NGEF: variants seen among roughly 807,000 people sequenced by gnomAD.
NGEF encodes the protein ephexin-1.
In NGEF, 31 loss-of-function variants were observed where a neutral mutation model predicts 80.9. That is an observed-to-expected ratio of 0.38 (90% confidence interval 0.29 to 0.52). The LOEUF is 0.52. Ranked by LOEUF, NGEF falls within the 20% of genes least tolerant of loss-of-function variation. The probability of loss-of-function intolerance (pLI) is 0.84; values close to 1 mark genes in which losing one functional copy is unlikely to be tolerated. For missense variants in NGEF, 709 were observed against 926.2 expected (o/e 0.77, Z 3.04); for synonymous variants, 371 against 370.2 (o/e 1.00, Z -0.03).
Position 232,976,207 on chromosome 2 carries a change from AC to A in NGEF, c.-74-1244del, listed in dbSNP as rs577155579. Among the ~76,000 whole-genome samples, 191 of 152,224 alleles carry A rather than the reference AC, an allele frequency of 1.3e-3. 1 individual carries two copies. The highest frequency in any genetic ancestry group is 4.4e-3 in the African/African-American group (183 of 41,536). On this transcript the variant is annotated intron_variant, in intron 1 of 14. Coordinates refer to ENST00000264051, the MANE Select transcript of NGEF (RefSeq NM_019850.3). ...CAGAGCCAGACTCCATCTCAAAAAA[AC>A]CCTTCCAGTCCTCTTCTGTTGCTCC...
At chr2:233,010,862 G>A (rs574755245) in intron 1 of NGEF, among the ~76,000 whole-genome samples, 1 of 152,226 alleles carries the variant, frequency 6.6e-6, no homozygotes, top group African/African-American at 2.4e-5. Flanking sequence ...CCACCCCCTG[G>A]TCTGACCTCT....
At chr2:232,890,945 G>T (rs1268657446) in intron 8 of NGEF, 2 of 472,180 alleles carry the variant, frequency 4.2e-6, no homozygotes, top group African/African-American at 2.0e-5. Flanking sequence ...TTGCAGTCTT[G>T]GGGCCTTTGC....
chr2:233,007,646 G>T (rs535985059), intron 1 of NGEF, among the ~76,000 whole-genome samples: 9 of 152,216 alleles, frequency 5.9e-5, no homozygotes, highest in Non-Finnish European at 1.3e-4. Flanking sequence ...ACACAAATTA[G>T]CTATAATAAT....
At chr2:232,888,906 C>T (rs1386877756) in intron 8 of NGEF, among the ~76,000 whole-genome samples, 1 of 152,252 alleles carries the variant, frequency 6.6e-6, no homozygotes, top group Non-Finnish European at 1.5e-5. Context: ...GCTCTATAAA[C>T]TCCACATGGT....
chr2:232,939,218 A>AATGAAC (rs1447239508), intron 3 of NGEF, among the ~76,000 whole-genome samples: 1 of 151,576 alleles, frequency 6.6e-6, no homozygotes, highest in Non-Finnish European at 1.5e-5. Flanking sequence ...CCTGTAAAGG[A>AATGAAC]ATGAACAGTC....
At chr2:233,001,802 G>A (rs1694984692) in intron 1 of NGEF, among the ~76,000 whole-genome samples, 1 of 151,928 alleles carries the variant, frequency 6.6e-6, no homozygotes, top group Admixed American at 6.6e-5. Context: ...ATCACCTGAG[G>A]TCAGGAGTTT....
chr2:232,928,796 A>G (rs1693154436), intron 3 of NGEF, among the ~76,000 whole-genome samples: 2 of 152,164 alleles, frequency 1.3e-5, no homozygotes, highest in South Asian at 4.1e-4. Context: ...AGGAGAAACC[A>G]AGTGCCCGAA....
intron 10 of NGEF, chr2:232,884,809 G>A: frequency 6.2e-6 from 1 of 160,372 alleles, no homozygotes; most frequent in Admixed American, 6.0e-5. Flanking sequence ...CCGTCTGTGG[G>A]CACAGCGTGC....
intron 5 of NGEF, among the ~76,000 whole-genome samples, chr2:232,902,537 C>T (rs528922416): frequency 1.3e-5 from 2 of 152,216 alleles, no homozygotes; most frequent in South Asian, 2.1e-4. Flanking sequence ...ACCCAAGCCT[C>T]GGCACTCACA....
chr2:232,927,863 G>A, intron 3 of NGEF: 5 of 1,247,738 alleles, frequency 4.0e-6, no homozygotes, highest in South Asian at 2.9e-5. Flanking sequence ...GGGGCGGCGC[G>A]CCGGGGCCGG....
At chr2:232,915,690 T>C (rs1316326475) in intron 5 of NGEF, among the ~76,000 whole-genome samples, 1 of 152,042 alleles carries the variant, frequency 6.6e-6, no homozygotes, top group Non-Finnish European at 1.5e-5. Flanking sequence ...GATTCTGCTC[T>C]ATTTATTTAT....
chr2:232,993,004 TACAC>T (rs140539108), intron 1 of NGEF, among the ~76,000 whole-genome samples: 2 of 138,168 alleles, frequency 1.4e-5, no homozygotes, highest in African/African-American at 2.8e-5. Flanking sequence ...TATATATATA[TACAC>T]ACACACACAC....
chr2:232,945,032 A>G (rs1032430343), intron 3 of NGEF, among the ~76,000 whole-genome samples: 11 of 152,026 alleles, frequency 7.2e-5, no homozygotes, highest in African/African-American at 2.4e-4. Context: ...GATTACAGGC[A>G]TGAGCCACCA....
intron 3 of NGEF, among the ~76,000 whole-genome samples, chr2:232,955,711 GT>G (rs201324578): frequency 0.012 from 1,836 of 152,220 alleles, 25 homozygotes; most frequent in African/African-American, 0.027. Flanking sequence ...TAGAGACGGG[GT>G]TTCACCATGT....
At chr2:232,927,969 C>T in intron 3 of NGEF, 2 of 1,287,130 alleles carry the variant, frequency 1.6e-6, no homozygotes, top group Non-Finnish European at 9.8e-7. Context: ...ACGGCGCAGG[C>T]GGCGCTGAAG....
chr2:232,939,775 A>G lies in NGEF; in HGVS notation c.384-12589T>C, dbSNP rs182196397. ...CACTTTGGGAGAATGAGGCAGGTGG[A>G]TCACCTGAGGTCAGGAGTTCAAGAC... On this transcript the variant is annotated intron_variant, in intron 3 of 14. Transcript: ENST00000264051. Among the ~76,000 whole-genome samples, 93 of 152,290 alleles carry G rather than the reference A, an allele frequency of 6.1e-4. 1 individual carries two copies. The highest frequency in any genetic ancestry group is 5.3e-3 in the Admixed American group (81 of 15,296).
At chr2:232,967,458 C>T (rs1210625528) in intron 3 of NGEF, among the ~76,000 whole-genome samples, 2 of 152,008 alleles carry the variant, frequency 1.3e-5, no homozygotes, top group Admixed American at 1.3e-4. Flanking sequence ...CCTCAGCCTC[C>T]CAAGTAGCTG....
chr2:232,925,999 C>T (rs1158814011), intron 4 of NGEF, among the ~76,000 whole-genome samples: 1 of 152,086 alleles, frequency 6.6e-6, no homozygotes, highest in African/African-American at 2.4e-5. Context: ...CTCAGCTCCT[C>T]TCCGGGCTCA....
At chr2:232,997,531 T>C (rs1694879546) in intron 1 of NGEF, among the ~76,000 whole-genome samples, 1 of 152,034 alleles carries the variant, frequency 6.6e-6, no homozygotes, top group Non-Finnish European at 1.5e-5. Flanking sequence ...AGTGGAGATT[T>C]CTAGAACACA....
Sources: gnomAD v4.1 joint callset for allele counts (sites outside exome capture counted in the v4.1 genomes callset) on GRCh38, gnomAD v4.1.1 for gene constraint, MANE v1.5 for transcripts, NCBI Gene and HGNC (gene_info 2026-07-23, HGNC 2026-07-21) for gene names.